The following CCDC102B variants were observed in gnomAD, a reference collection of about 807,000 sequenced individuals.
CCDC102B encodes the protein coiled-coil domain-containing protein 102B.
Under a neutral mutation model 57.4 loss-of-function variants are expected in CCDC102B, and 75 were observed. The observed-to-expected ratio is 1.31, with a 90% CI of 1.08 to 1.58. The LOEUF is 1.58. Ranked by LOEUF, CCDC102B falls within the 40% of genes most tolerant of loss-of-function variation. The pLI is 0.00. For synonymous variants in CCDC102B, 206 were observed against 201.9 expected (o/e 1.02, Z -0.17); for missense variants, 636 against 582.6 (o/e 1.09, Z -0.94).
At chr18:68,743,079 T>G (rs927667842) in intron 2 of CCDC102B, among the ~76,000 whole-genome samples, 8 of 151,990 alleles carry the variant, frequency 5.3e-5, no homozygotes, top group African/African-American at 1.4e-4. Flanking sequence ...ACGTTAAAAA[T>G]CTTGGGTCAG....
chr18:68,733,478 T>TTATATATATATATATATATA (rs1301629816), intron 2 of CCDC102B, among the ~76,000 whole-genome samples: 6 of 25,138 alleles, frequency 2.4e-4, no homozygotes, highest in South Asian at 1.0e-3. Flanking sequence ...TTAGACAACT[T>TTATATATATATATATATATA]TATATATATA....
At chr18:68,841,609 C>T in intron 3 of CCDC102B, among the ~76,000 whole-genome samples, 1 of 152,166 alleles carries the variant, frequency 6.6e-6, no homozygotes. Context: ...TGAACTGTCC[C>T]AAACTTCAGA....
chr18:68,915,495 A>T (rs956556324), intron 6 of CCDC102B, among the ~76,000 whole-genome samples: 3 of 152,266 alleles, frequency 2.0e-5, no homozygotes. Flanking sequence ...TTTCATAATG[A>T]ATACTTTGTC....
intron 2 of CCDC102B, among the ~76,000 whole-genome samples, chr18:68,838,141 G>C (rs1174098202): frequency 6.6e-6 from 1 of 152,204 alleles, no homozygotes; most frequent in Non-Finnish European, 1.5e-5. Context: ...TACGCTCTAA[G>C]AGTGTCGTGC....
At chr18:68,916,164 T>A (rs1026386697) in intron 6 of CCDC102B, among the ~76,000 whole-genome samples, 2 of 151,952 alleles carry the variant, frequency 1.3e-5, no homozygotes, top group Non-Finnish European at 2.9e-5. Context: ...GATAGATAGA[T>A]AGATATGCAT....
intron 1 of CCDC102B, among the ~76,000 whole-genome samples, chr18:68,832,324 G>A (rs2037179676): frequency 6.6e-6 from 1 of 152,110 alleles, no homozygotes; most frequent in Non-Finnish European, 1.5e-5. Context: ...GGATTTTTTG[G>A]ATTGCAATAC....
rs1015660946 is a variant in CCDC102B, at chr18:68,883,055, T to C, written c.1053+8270T>C. 6.6e-5 allele frequency among the ~76,000 whole-genome samples: 10 copies of C among 152,242 alleles called. 1 individual carries two copies. The highest frequency in any genetic ancestry group is 2.4e-4 in the African/African-American group (10 of 41,544). The stretch of plus-strand genomic sequence containing the variant: ...GCTTAATACCTGAGTGATGAAATAA[T>C]CTGTTTAACAAACCCCCATGACACA... On this transcript the variant is annotated intron_variant, in intron 5 of 7. Transcript: ENST00000360242.
chr18:68,841,823 C>T (rs1157990700), intron 3 of CCDC102B, among the ~76,000 whole-genome samples: 1 of 152,174 alleles, frequency 6.6e-6, no homozygotes, highest in African/African-American at 2.4e-5. Context: ...ATCTCAGCCT[C>T]CTGGGCTCAA....
chr18:68,785,807 T>C (rs1421828668), intron 2 of CCDC102B, among the ~76,000 whole-genome samples: 1 of 151,646 alleles, frequency 6.6e-6, no homozygotes, highest in African/African-American at 2.4e-5. Flanking sequence ...TAGTTTCTTT[T>C]GCTGTGCAGA....
At chr18:68,823,866 G>A (rs1192839910) in intron 1 of CCDC102B, among the ~76,000 whole-genome samples, 2 of 152,014 alleles carry the variant, frequency 1.3e-5, no homozygotes, top group Non-Finnish European at 2.9e-5. Context: ...TTTGTGAAAT[G>A]TATGTTCATG....
chr18:68,839,670 C>G (rs540543999), intron 3 of CCDC102B, among the ~76,000 whole-genome samples: 1 of 152,280 alleles, frequency 6.6e-6, no homozygotes, highest in African/African-American at 2.4e-5. Flanking sequence ...GCCTCTTTCA[C>G]TCATATCTGG....
At chr18:69,008,801 T>C (rs184312292) in intron 6 of CCDC102B, among the ~76,000 whole-genome samples, 215 of 152,356 alleles carry the variant, frequency 1.4e-3, no homozygotes, top group Non-Finnish European at 2.5e-3. Flanking sequence ...AGTCGCTTTA[T>C]ATCAGCTTGT....
intron 7 of CCDC102B, among the ~76,000 whole-genome samples, chr18:69,033,424 T>C (rs768882338): frequency 1.6e-4 from 24 of 152,142 alleles, no homozygotes; most frequent in Non-Finnish European, 2.6e-4. Context: ...GGAAAGCCTC[T>C]GCACATTAGC....
chr18:68,873,693 A>G (rs1179674665), intron 4 of CCDC102B, among the ~76,000 whole-genome samples: 1 of 152,074 alleles, frequency 6.6e-6, no homozygotes, highest in Non-Finnish European at 1.5e-5. Flanking sequence ...TAATATTACT[A>G]TTACTAATAA....
chr18:69,056,794 G>A (rs77768274), downstream of CCDC102B, among the ~76,000 whole-genome samples: 2,373 of 151,954 alleles, frequency 0.016, 55 homozygotes, highest in East Asian at 0.061. Flanking sequence ...ACCACCTTAC[G>A]CTTTCTAAGT....
chr18:68,808,680 G>T (rs757602510), intron 1 of CCDC102B, among the ~76,000 whole-genome samples: 1 of 151,814 alleles, frequency 6.6e-6, no homozygotes, highest in Non-Finnish European at 1.5e-5. Context: ...GGGTTTCACC[G>T]TATTAGCCAG....
intron 2 of CCDC102B, among the ~76,000 whole-genome samples, chr18:68,740,356 A>C (rs1432043782): frequency 1.3e-5 from 2 of 152,226 alleles, no homozygotes; most frequent in Non-Finnish European, 2.9e-5. Context: ...AGTTTTGAAG[A>C]GGTTACAAAA....
chr18:68,850,019 T>G (rs569051080), intron 4 of CCDC102B, among the ~76,000 whole-genome samples: 14 of 152,082 alleles, frequency 9.2e-5, no homozygotes, highest in Admixed American at 2.6e-4. Flanking sequence ...GTAGCGTACA[T>G]TATTTCCACT....
intron 2 of CCDC102B, among the ~76,000 whole-genome samples, chr18:68,778,079 A>G (rs1442156831): frequency 1.3e-5 from 2 of 152,084 alleles, no homozygotes; most frequent in Non-Finnish European, 2.9e-5. Flanking sequence ...CAAGACCAGC[A>G]CCTACAATCT....
Sources: gnomAD v4.1 joint callset for allele counts (sites outside exome capture counted in the v4.1 genomes callset) on GRCh38, gnomAD v4.1.1 for gene constraint, MANE v1.5 for transcripts, NCBI Gene and HGNC (gene_info 2026-07-23, HGNC 2026-07-21) for gene names.